Variants in PPM1B observed in about 807,000 individuals in gnomAD.
PPM1B encodes protein phosphatase 1B.
PPM1B carries 22 observed loss-of-function variants against 43.0 expected under a neutral mutation model. That is an observed-to-expected ratio of 0.51 (90% confidence interval 0.37 to 0.73). The LOEUF (loss-of-function observed/expected upper bound fraction) is 0.73. Among genes scored for constraint, PPM1B ranks in the 30% least tolerant of loss-of-function variants. The probability of loss-of-function intolerance (pLI) is 0.00; values close to 1 mark genes in which losing one functional copy is unlikely to be tolerated. For missense variants in PPM1B, 632 were observed against 584.2 expected, an observed-to-expected ratio of 1.08 and a Z score of -0.84; for synonymous variants, 217 against 197.9, an observed-to-expected ratio of 1.10 and a Z score of -0.81.
At chr2:44,176,527 G>C (rs992741538) in intron 1 of PPM1B, among the ~76,000 whole-genome samples, 1 of 152,074 alleles carries the variant, frequency 6.6e-6, no homozygotes, top group Non-Finnish European at 1.5e-5. Flanking sequence ...ACTTAACGTC[G>C]TGCCTTTGTT....
chr2:44,170,887 A>G (rs17032022), intron 1 of PPM1B, among the ~76,000 whole-genome samples: 28,668 of 152,138 alleles, frequency 0.19, 2,861 homozygotes, highest in African/African-American at 0.24. Flanking sequence ...AGAATATTTT[A>G]GTCCACACAT....
At chr2:44,234,206 A>G (rs1328393752), downstream of PPM1B, 1 of 983,444 alleles carries the variant, frequency 1.0e-6, no homozygotes, top group Non-Finnish European at 1.2e-6. Flanking sequence ...TACTCTAGAA[A>G]TATTTATACT....
At chr2:44,220,431 G>A (rs1456731349) in intron 5 of PPM1B, among the ~76,000 whole-genome samples, 9 of 151,944 alleles carry the variant, frequency 5.9e-5, no homozygotes, top group Admixed American at 5.9e-4. Context: ...AATAGGCAAC[G>A]GAACTATGAA....
At chr2:44,175,785 ATTT>A (rs1341851363) in intron 1 of PPM1B, among the ~76,000 whole-genome samples, 5 of 138,288 alleles carry the variant, frequency 3.6e-5, no homozygotes, top group Admixed American at 7.2e-5. Flanking sequence ...TTGGTTTGAG[ATTT>A]TTTTTTTTTT....
At chr2:44,177,135 T>C (rs1180744487) in intron 1 of PPM1B, among the ~76,000 whole-genome samples, 1 of 152,212 alleles carries the variant, frequency 6.6e-6, no homozygotes, top group African/African-American at 2.4e-5. Flanking sequence ...AATGCTGATA[T>C]GCAAGAGAAC....
chr2:44,209,453 G>T, intron 3 of PPM1B, 126 bp downstream of exon 3: 1 of 1,048,582 alleles, frequency 9.5e-7, no homozygotes, highest in Non-Finnish European at 1.3e-6. Flanking sequence ...AATTTAGAGA[G>T]GGAAAGTATT....
At chr2:44,192,375 C>T (rs147428813) in intron 1 of PPM1B, among the ~76,000 whole-genome samples, 1,849 of 151,944 alleles carry the variant, frequency 0.012, 89 homozygotes, top group Admixed American at 0.1. Context: ...CAAACCATGC[C>T]CGGCTAATTT....
chr2:44,175,777 G>A (rs1333204129), intron 1 of PPM1B, among the ~76,000 whole-genome samples: 1 of 149,574 alleles, frequency 6.7e-6, no homozygotes, highest in Admixed American at 6.7e-5. Context: ...GAAAGACATT[G>A]GTTTGAGATT....
intron 5 of PPM1B, among the ~76,000 whole-genome samples, chr2:44,224,456 A>G (rs1443205942): frequency 4.6e-4 from 2 of 4,346 alleles, no homozygotes; most frequent in Non-Finnish European, 1.4e-3. Flanking sequence ...CTCCGTCTCC[A>G]AAAAAAAAAA....
At chr2:44,217,863 A>G in intron 3 of PPM1B, 104 bp from the exon 4 acceptor site, 2 of 572,478 alleles carry the variant, frequency 3.5e-6, no homozygotes, top group Non-Finnish European at 5.5e-6. Context: ...ATTTTTTTTA[A>G]TATATTTTAA....
At chr2:44,184,639 A>T (rs1346665080) in intron 1 of PPM1B, among the ~76,000 whole-genome samples, 1 of 152,058 alleles carries the variant, frequency 6.6e-6, no homozygotes, top group East Asian at 1.9e-4. Flanking sequence ...CTAACTGAAC[A>T]TGTTCAAAAC....
At position 44,241,559 on chromosome 2, in the gene PPM1B, C is replaced by T. The variant is rs1458031274; in HGVS notation, n.1547-2669C>T. Among the ~76,000 whole-genome samples, 2 of 142,188 alleles carry T rather than the reference C, an allele frequency of 1.4e-5. 1 individual carries two copies. Among genetic ancestry groups the T allele is most frequent in the Non-Finnish European group, 3.1e-5 (2 of 63,894 alleles). The allele number at this position is 142,188 out of a possible 152,430, so 93.3% of individuals were successfully genotyped here. On this transcript the variant is annotated intron_variant and non_coding_transcript_variant, in intron 5 of 5. Coordinates refer to the PPM1B transcript ENST00000378540. ...CCAGCCTGGCCAGCATGGTGAAACC[C>T]CATCTCTACTAAAAATACAAAAATT...
chr2:44,215,052 T>C (rs960385111), intron 3 of PPM1B, among the ~76,000 whole-genome samples: 2 of 152,212 alleles, frequency 1.3e-5, no homozygotes, highest in African/African-American at 2.4e-5. Context: ...TTAGTAACTT[T>C]CTAAAGTATA....
chr2:44,210,038 T>A (rs1212486508), intron 3 of PPM1B, among the ~76,000 whole-genome samples: 1 of 152,150 alleles, frequency 6.6e-6, no homozygotes, highest in Non-Finnish European at 1.5e-5. Context: ...CCAGTGAAAT[T>A]TCCCCTAACA....
chr2:44,212,312 G>A (rs1669509272), intron 3 of PPM1B, among the ~76,000 whole-genome samples: 1 of 152,062 alleles, frequency 6.6e-6, no homozygotes, highest in South Asian at 2.1e-4. Context: ...GTCCTCTACT[G>A]TCAACCCAAC....
chr2:44,187,730 G>A, intron 1 of PPM1B, among the ~76,000 whole-genome samples: 1 of 151,932 alleles, frequency 6.6e-6, no homozygotes, highest in Admixed American at 6.6e-5. Flanking sequence ...GCATTTCCTG[G>A]ATTGAACCTC....
intron 1 of PPM1B, among the ~76,000 whole-genome samples, chr2:44,192,292 A>G (rs1026687428): frequency 6.6e-6 from 1 of 152,016 alleles, no homozygotes; most frequent in Non-Finnish European, 1.5e-5. Flanking sequence ...ATCTCGGCTC[A>G]CTGCAACCTC....
downstream of PPM1B, chr2:44,244,394 C>T (rs1288698636): frequency 7.5e-7 from 1 of 1,328,638 alleles, no homozygotes; most frequent in South Asian, 1.2e-5. Flanking sequence ...AGTATTTGTA[C>T]TGCTGTTAAC....
chr2:44,190,024 A>G (rs943924846), intron 1 of PPM1B, among the ~76,000 whole-genome samples: 2 of 152,196 alleles, frequency 1.3e-5, no homozygotes, highest in African/African-American at 4.8e-5. Context: ...TGTGAATGTG[A>G]ATGTTTTCAT....
Sources: allele counts gnomAD v4.1 joint callset (sites outside exome capture counted in the v4.1 genomes callset), GRCh38; gene constraint gnomAD v4.1.1; transcripts MANE v1.5; gene names NCBI Gene and HGNC (gene_info 2026-07-23, HGNC 2026-07-21).